The following COCH variants were observed in gnomAD, a reference collection of about 807,000 sequenced individuals.
COCH encodes the protein coagulation factor C homolog, cochlin (Limulus polyphemus).
Under a neutral mutation model 54.8 loss-of-function variants are expected in COCH, and 40 were observed. The ratio of observed to expected loss-of-function variants is 0.73; its 90% CI spans 0.57 to 0.95. The LOEUF (loss-of-function observed/expected upper bound fraction) is 0.95. COCH is among the 40% of genes least tolerant of loss of function. The pLI, the probability that COCH is intolerant of heterozygous loss-of-function variation, is 0.00. For synonymous variants in COCH, 256 were observed against 237.9 expected (o/e 1.08, Z -0.70); for missense variants, 605 against 675.0 (o/e 0.90, Z 1.15).
intron 6 of COCH, 22 bp from the exon 7 acceptor site, chr14:30,880,430 C>G (rs1895531274): frequency 6.2e-7 from 1 of 1,612,966 alleles, no homozygotes; most frequent in African/African-American, 1.3e-5. Flanking sequence ...TTTGTTAATG[C>G]CAAGTGCATC....
At chr14:30,879,063 A>T (rs1895478395) in intron 5 of COCH, 119 bp downstream of exon 5, 1 of 1,427,506 alleles carries the variant, frequency 7.0e-7, no homozygotes, top group Admixed American at 1.7e-5. Flanking sequence ...ACTAAAGCTG[A>T]CCTATAGAGG....
At chr14:30,893,749 A>C (rs952904103), downstream of COCH, 2 of 152,568 alleles carry the variant, frequency 1.3e-5, no homozygotes, top group Non-Finnish European at 2.9e-5. Context: ...GAATATCAAT[A>C]AGTAGGACAA....
Position 30,886,260 on chromosome 14 carries a change from T to C in COCH, c.1425T>C (p.Asp475=), listed in dbSNP as rs1895787651. The change falls in exon 11 of 12, where the codon GAT becomes GAC. Residue 475 remains aspartate, a synonymous_variant. Coordinates refer to ENST00000396618, the MANE Select transcript of COCH (RefSeq NM_004086.3). The part of the protein sequence containing the change: ...PNKNFLVIVT[D]GQSYDDVQGP... ...AGAACTTCCTAGTAATTGTCACAGA[T>C]GGGCAGTCCTATGATGATGTCCAAG... 2 of 1,613,932 alleles carry C rather than the reference T, an allele frequency of 1.2e-6. No homozygotes were observed. Among genetic ancestry groups the C allele is most frequent in the East Asian group, 4.5e-5 (2 of 44,886 alleles).
chr14:30,881,856 C>T (rs796586140), intron 8 of COCH, among the ~76,000 whole-genome samples: 43 of 151,322 alleles, frequency 2.8e-4, no homozygotes, highest in African/African-American at 9.9e-4. Flanking sequence ...CCCAGCTACT[C>T]GGGAGGCTGA....
chr14:30,877,730 T>C lies in COCH; in HGVS notation c.239+2T>C, dbSNP rs745688320. The C allele has an allele frequency of 6.2e-7, 1 of 1,614,166 alleles. No homozygotes were observed. Among genetic ancestry groups the C allele is most frequent in the Non-Finnish European group, 8.5e-7 (1 of 1,180,038 alleles). On this transcript the variant is annotated splice_donor_variant, in intron 4 of 11. Transcript: ENST00000396618. LOFTEE classifies it high-confidence loss of function. The surrounding 1 kb of genome is among the most constrained non-coding windows in gnomAD (Gnocchi z 8.6). Reference sequence around the variant, plus strand: ...CATATGTGGGGCTGCTGTCCACAGGTAAGCCCAAACACACCAGGGTGGGAG... The same window carrying C: ...CATATGTGGGGCTGCTGTCCACAGGCAAGCCCAAACACACCAGGGTGGGAG...
intron 8 of COCH, among the ~76,000 whole-genome samples, chr14:30,883,880 G>A (rs971022391): frequency 1.3e-5 from 2 of 152,128 alleles, no homozygotes; most frequent in African/African-American, 4.8e-5. Context: ...GTCATTATAA[G>A]AAAAACTCAA....
chr14:30,884,858 T>A, intron 9 of COCH: 1 of 1,498,344 alleles, frequency 6.7e-7, no homozygotes, highest in Non-Finnish European at 8.9e-7. Context: ...TTTCTTATTT[T>A]AAAAAATATA....
chr14:30,883,370 CAT>C (rs374065870), intron 8 of COCH, among the ~76,000 whole-genome samples: 3 of 152,320 alleles, frequency 2.0e-5, no homozygotes, highest in African/African-American at 7.2e-5. Flanking sequence ...CTTGTAGACT[CAT>C]ACAAAGTTTT....
intron 8 of COCH, among the ~76,000 whole-genome samples, chr14:30,881,225 A>AG (rs1402848563): frequency 6.6e-6 from 1 of 151,884 alleles, no homozygotes; most frequent in Non-Finnish European, 1.5e-5. Flanking sequence ...AAAAAAAAAA[A>AG]AAAAAGAAAA....
chr14:30,895,571 C>T (rs1422201623), downstream of COCH: 1 of 1,609,662 alleles, frequency 6.2e-7, no homozygotes, highest in Non-Finnish European at 8.5e-7. Flanking sequence ...TCTGATGGAA[C>T]AGTCATGGCC....
At chr14:30,875,536 AG>A in intron 3 of COCH, 1 of 497,780 alleles carries the variant, frequency 2.0e-6, no homozygotes, top group South Asian at 4.0e-5. Context: ...GCCGAGAGAG[AG>A]GGAGGCGAAC....
chr14:30,885,188 T>A (rs1043714451), intron 9 of COCH: 4 of 1,079,472 alleles, frequency 3.7e-6, no homozygotes, highest in Non-Finnish European at 5.3e-6. Context: ...CTTGTGAAGA[T>A]AAATAGGCCT....
At position 30,890,205 on chromosome 14, in the gene COCH, G is replaced by A; in HGVS notation, c.*414G>A. ...GCAAAATGAAAAGAGAAACTTAAAT[G>A]AACACAGCTCTTTAACATGGTTCAG... On this transcript the variant is annotated 3_prime_UTR_variant, in exon 12 of 12. Transcript: ENST00000396618. 2.0e-6 allele frequency: 2 copies of A among 990,626 alleles called. No homozygotes were observed. The highest frequency in any genetic ancestry group is 2.4e-6 in the Non-Finnish European group (2 of 832,988). The allele number at this position is 990,626 out of a possible 1,614,324, so 61.4% of individuals were successfully genotyped here. A position where few individuals can be genotyped will look rare whatever the true frequency, so the allele number is the denominator to read the frequency against.
downstream of COCH, among the ~76,000 whole-genome samples, chr14:30,892,826 A>C (rs558459045): frequency 0.028 from 2,657 of 93,996 alleles, 68 homozygotes; most frequent in African/African-American, 0.081. Flanking sequence ...AAAAAAAAAC[A>C]AAAAACTTGA....
At chr14:30,894,862 G>A, downstream of COCH, 1 of 738,668 alleles carries the variant, frequency 1.4e-6, no homozygotes, top group Non-Finnish European at 1.8e-6. Flanking sequence ...TGCAACTAAT[G>A]CTAAAATATT....
At chr14:30,875,604 A>C in intron 3 of COCH, 17 of 350,690 alleles carry the variant, frequency 4.8e-5, no homozygotes, top group Non-Finnish European at 6.6e-5. Flanking sequence ...AACCCCTATA[A>C]TCAGAAGCAC....
intron 8 of COCH, among the ~76,000 whole-genome samples, chr14:30,882,545 C>G (rs192918094): frequency 1.7e-3 from 251 of 150,446 alleles, no homozygotes; most frequent in African/African-American, 5.3e-3. Context: ...TTTCTCATAT[C>G]ACAAATATTC....
chr14:30,882,137 T>TG (rs1895629300), intron 8 of COCH, among the ~76,000 whole-genome samples: 1 of 127,640 alleles, frequency 7.8e-6, no homozygotes, highest in African/African-American at 3.0e-5. Context: ...TTTTTTTTTT[T>TG]TTTTTTTTTT....
downstream of COCH, chr14:30,895,339 C>CA: frequency 6.9e-7 from 1 of 1,453,970 alleles, no homozygotes; most frequent in Non-Finnish European, 9.2e-7. Context: ...TATCAGTAAC[C>CA]TTTCTGATGG....
Sources: gnomAD v4.1 joint callset for allele counts (sites outside exome capture counted in the v4.1 genomes callset) on GRCh38, gnomAD v4.1.1 for gene constraint, Gnocchi (gnomAD v3.1) non-coding constraint, MANE v1.5 for transcripts, NCBI Gene and HGNC (gene_info 2026-07-23, HGNC 2026-07-21) for gene names.